The following CCDC40 variants were observed in gnomAD, a reference collection of about 807,000 sequenced individuals.
CCDC40 encodes coiled-coil domain 40 molecular ruler complex subunit, also known as coiled-coil domain-containing protein 40.
A neutral mutation model predicts 124.5 loss-of-function variants in CCDC40; 104 were observed. The observed-to-expected ratio is 0.84, with a 90% confidence interval of 0.71 to 0.98. The LOEUF (loss-of-function observed/expected upper bound fraction) is 0.98. CCDC40 is among the 50% of genes least tolerant of loss of function. The pLI, the probability that CCDC40 is intolerant of heterozygous loss-of-function variation, is 0.00. For missense variants in CCDC40, 1,463 were observed against 1,503.9 expected (o/e 0.97, Z 0.45); for synonymous variants, 580 against 602.9 (o/e 0.96, Z 0.56).
In CCDC40 at chr17:80,084,723, A is replaced by T. The variant is rs1277824444; in HGVS notation, c.1990-20A>T. ...TTGGGTGGGGGCAATATTCACAGGT[A>T]TTTCTTTTCATCAATTCAGATGACA... On this transcript the variant is annotated intron_variant, in intron 12 of 19. Coordinates refer to ENST00000397545, the MANE Select transcript of CCDC40 (RefSeq NM_017950.4). 1 of 1,613,434 alleles carries T rather than the reference A, an allele frequency of 6.2e-7. No homozygotes were observed. The highest frequency in any genetic ancestry group is 1.3e-5 in the African/African-American group (1 of 74,874).
At position 80,081,808 on chromosome 17, in the gene CCDC40, C is replaced by T. The variant is rs755826267; in HGVS notation, c.1806+19C>T. 1 of 1,613,938 alleles carries T rather than the reference C, an allele frequency of 6.2e-7. No individual in the cohort carries two copies. Among genetic ancestry groups the T allele is most frequent in the South Asian group, 1.1e-5 (1 of 91,070 alleles). ...CCAGCTGGTGAGGCCGGGCCCGCCCCACAGGTCACACCTGGCGCACGGTGG... is the reference window on the plus strand; with the variant it reads ...CCAGCTGGTGAGGCCGGGCCCGCCCTACAGGTCACACCTGGCGCACGGTGG... On this transcript the variant is annotated intron_variant, in intron 11 of 19. Coordinates refer to ENST00000397545, the MANE Select transcript of CCDC40 (RefSeq NM_017950.4).
intron 3 of CCDC40, among the ~76,000 whole-genome samples, chr17:80,045,383 T>C (rs1260564887): frequency 6.6e-6 from 1 of 152,204 alleles, no homozygotes; most frequent in Non-Finnish European, 1.5e-5. Context: ...CGATAATTAT[T>C]GTCAATAGTC....
Position 80,072,827 on chromosome 17 carries a change from A to G in CCDC40, c.1562+7221A>G, listed in dbSNP as rs1327904894. ...GATGTATTTGTCCATCCACCAACTG[A>G]TGGACATTTGGCTTTTACCTTTGGA... On this transcript the variant is annotated intron_variant, in intron 10 of 19. Transcript: ENST00000397545. Among the ~76,000 whole-genome samples the G allele has an allele frequency of 3.3e-5, 5 of 152,096 alleles. No homozygotes were observed. The East Asian group carries it at 9.6e-4, about 29-fold the overall frequency.
rs1260469681 is a variant in CCDC40, at chr17:80,095,383, G to T, written c.2953G>T (p.Ala985Ser). The change falls in exon 18 of 20, where the codon GCG becomes TCG. Residue 985 changes from alanine to serine, a missense_variant. Ala to Ser is a moderately conservative substitution (Grantham distance 99). Coordinates refer to ENST00000397545, the MANE Select transcript of CCDC40 (RefSeq NM_017950.4). ...GGGGCAGCGCAAGATGGACAGGAAG[G>T]CGCTCACCCGCACCGACTTCCACCA... ...AEGQRKMDRK[A>S]LTRTDFHHKQ... 1.2e-6 allele frequency: 2 copies of T among 1,614,120 alleles called. No individual in the cohort carries two copies. Among genetic ancestry groups the T allele is most frequent in the Admixed American group, 3.3e-5 (2 of 60,034 alleles).
chr17:80,040,106 G>GAT lies in CCDC40; in HGVS notation c.390_391dup (p.Ser131IlefsTer37). 5.0e-6 allele frequency: 8 copies of GAT among 1,614,164 alleles called. No individual in the cohort carries two copies. Among genetic ancestry groups the GAT allele is most frequent in the Non-Finnish European group, 6.8e-6 (8 of 1,180,022 alleles). ...GGAACTGCCTGGAGAGGAGGCATACGATAGTGTTAGCGGGGAGGCTGGTCT... is the reference window on the plus strand; with the variant it reads ...GGAACTGCCTGGAGAGGAGGCATACGATATAGTGTTAGCGGGGAGGCTGGTCT... On this transcript the variant is annotated frameshift_variant, in exon 3 of 20. Transcript: ENST00000397545. LOFTEE classifies it high-confidence loss of function.
Position 80,087,948 on chromosome 17 carries a change from C to G in CCDC40, c.2620-63C>G. The G allele has an allele frequency of 7.2e-7, 1 of 1,382,444 alleles. No homozygotes were observed. Among genetic ancestry groups the G allele is most frequent in the Non-Finnish European group, 1.0e-6 (1 of 970,116 alleles). 85.6% of individuals were successfully genotyped at this position (1,382,444 alleles called of 1,614,324 possible). On this transcript the variant is annotated intron_variant, in intron 15 of 19. Coordinates refer to ENST00000397545, the MANE Select transcript of CCDC40 (RefSeq NM_017950.4). The surrounding 1 kb of genome is among the most constrained non-coding windows in gnomAD (Gnocchi z 4.5). The stretch of plus-strand genomic sequence containing the variant: ...CCCTCGGTGCCGGGATAGAGGGCAC[C>G]AGCCCCGGCATCCACAATCCCATGG...
chr17:80,060,968 C>T (rs538835919), intron 9 of CCDC40, among the ~76,000 whole-genome samples: 3 of 152,192 alleles, frequency 2.0e-5, no homozygotes, highest in East Asian at 1.9e-4. Context: ...ATGTGCCAGA[C>T]GAAAACAAAT....
At chr17:80,065,350 G>A (rs2038014982) in intron 9 of CCDC40, 135 bp from the exon 10 acceptor site, 1 of 1,209,308 alleles carries the variant, frequency 8.3e-7, no homozygotes, top group African/African-American at 1.5e-5. Flanking sequence ...CCCCTCTGCA[G>A]ATGCATGATC....
intron 13 of CCDC40, among the ~76,000 whole-genome samples, chr17:80,085,457 C>T (rs2038562938): frequency 6.6e-6 from 1 of 152,180 alleles, no homozygotes; most frequent in South Asian, 2.1e-4. Flanking sequence ...CCAGAGGCCC[C>T]ACCCACCCTG....
chr17:80,060,029 TAACAA>T (rs1568686452), intron 9 of CCDC40, among the ~76,000 whole-genome samples: 1 of 152,104 alleles, frequency 6.6e-6, no homozygotes, highest in Non-Finnish European at 1.5e-5. Flanking sequence ...ATCCCTTAGT[TAACAA>T]AACAATTCTG....
chr17:80,100,127 G>A lies in CCDC40; in HGVS notation c.*352G>A, dbSNP rs2038895383. 2.9e-6 allele frequency: 1 copy of A among 348,470 alleles called. No homozygotes were observed. Among genetic ancestry groups the A allele is most frequent in the South Asian group, 2.4e-5 (1 of 41,548 alleles). The allele number at this position is 348,470 out of a possible 1,614,324, so 21.6% of individuals were successfully genotyped here. On this transcript the variant is annotated 3_prime_UTR_variant, in exon 20 of 20. Transcript: ENST00000397545. ...CTCTCACAACACAACGCTGCCACAG[G>A]TCCACAAGCTGGTGGGCTGAGCAGA...
intron 7 of CCDC40, among the ~76,000 whole-genome samples, chr17:80,057,626 C>T (rs140272910): frequency 0.016 from 2,357 of 152,010 alleles, 67 homozygotes; most frequent in African/African-American, 0.054. Context: ...CCTGTAATCC[C>T]AGCACTTTGG....
At chr17:80,093,672 C>T (rs546739962) in intron 17 of CCDC40, among the ~76,000 whole-genome samples, 19 of 151,712 alleles carry the variant, frequency 1.3e-4, no homozygotes, top group Non-Finnish European at 2.4e-4. Flanking sequence ...CACCACTATG[C>T]CTGGCTAATT....
chr17:80,087,586 A>G lies in CCDC40; in HGVS notation c.2450-21A>G. 10 of 1,612,480 alleles carry G rather than the reference A, an allele frequency of 6.2e-6. No individual in the cohort carries two copies. Among genetic ancestry groups the G allele is most frequent in the Non-Finnish European group, 8.5e-6 (10 of 1,178,620 alleles). ...CGTACCCTCCTGGGGTCTCTCCCTG[A>G]GTCTCTGTTTTCTGCCATAGGCAAG... On this transcript the variant is annotated intron_variant, in intron 14 of 19. Coordinates refer to ENST00000397545, the MANE Select transcript of CCDC40 (RefSeq NM_017950.4). This position sits in a 1 kb window ranked among gnomAD's most constrained non-coding sequence, Gnocchi z 4.5.
intron 17 of CCDC40, among the ~76,000 whole-genome samples, chr17:80,094,063 T>G (rs2038763505): frequency 6.6e-6 from 1 of 152,172 alleles, no homozygotes; most frequent in Non-Finnish European, 1.5e-5. Context: ...GCCTGTTTTT[T>G]CTTTTAAATC....
chr17:80,045,840 T>G (rs1027778944), intron 3 of CCDC40, among the ~76,000 whole-genome samples: 60 of 130,356 alleles, frequency 4.6e-4, no homozygotes, highest in African/African-American at 1.9e-3. Context: ...TCATAACCTT[T>G]CAAAAAAAAA....
intron 3 of CCDC40, among the ~76,000 whole-genome samples, chr17:80,045,063 T>C (rs2143596941): frequency 2.0e-5 from 3 of 152,288 alleles, no homozygotes; most frequent in Admixed American, 2.0e-4. Context: ...GTTAATGTTG[T>C]TGTGGCTCCA....
At chr17:80,063,823 A>G (rs2143669664) in intron 9 of CCDC40, among the ~76,000 whole-genome samples, 1 of 152,296 alleles carries the variant, frequency 6.6e-6, no homozygotes, top group South Asian at 2.1e-4. Flanking sequence ...TTTATTGTAC[A>G]TTTTCAGATA....
intron 1 of CCDC40, among the ~76,000 whole-genome samples, chr17:80,037,219 C>T (rs2037098540): frequency 6.6e-6 from 1 of 152,212 alleles, no homozygotes; most frequent in African/African-American, 2.4e-5. Context: ...GGTTAGGCGG[C>T]CCGCGATAGT....
Sources: allele counts gnomAD v4.1 joint callset (sites outside exome capture counted in the v4.1 genomes callset), GRCh38; gene constraint gnomAD v4.1.1; non-coding constraint Gnocchi (gnomAD v3.1); transcripts MANE v1.5; gene names NCBI Gene and HGNC (gene_info 2026-07-23, HGNC 2026-07-21).